The following SERPINB5 variants were observed in gnomAD, a reference collection of about 807,000 sequenced individuals.
SERPINB5 encodes the protein serpin family B member 5, also known as serpin B5.
In SERPINB5, 27 loss-of-function variants were observed where a neutral mutation model predicts 32.2. The observed-to-expected ratio is 0.84, with a 90% confidence interval of 0.62 to 1.16. The LOEUF is 1.16. Among genes scored for constraint, SERPINB5 ranks in the 50% most tolerant of loss-of-function variants. The probability of loss-of-function intolerance (pLI) is 0.00; values close to 1 mark genes in which losing one functional copy is unlikely to be tolerated. For missense variants in SERPINB5, 388 were observed against 436.3 expected, an observed-to-expected ratio of 0.89 and a Z score of 0.99; for synonymous variants, 154 against 157.4, an observed-to-expected ratio of 0.98 and a Z score of 0.16.
intron 1 of SERPINB5, among the ~76,000 whole-genome samples, chr18:63,478,339 A>T (rs1917069822): frequency 6.6e-6 from 1 of 152,138 alleles, no homozygotes; most frequent in South Asian, 2.1e-4. Context: ...TTCTAAAGAG[A>T]CAGGAGCAGC....
At chr18:63,492,135 T>C (rs1056032706) in intron 4 of SERPINB5, among the ~76,000 whole-genome samples, 2 of 152,216 alleles carry the variant, frequency 1.3e-5, no homozygotes, top group African/African-American at 4.8e-5. Flanking sequence ...CTGTGGGCTA[T>C]TCAAATGTGA....
In SERPINB5 at chr18:63,498,411, G is replaced by T. The variant is rs540907868; in HGVS notation, c.568-709G>T. 6.6e-6 allele frequency among the ~76,000 whole-genome samples: 1 copy of T among 152,138 alleles called. No homozygotes were observed. Among genetic ancestry groups the T allele is most frequent in the African/African-American group, 2.4e-5 (1 of 41,424 alleles). On this transcript the variant is annotated intron_variant, in intron 5 of 6. Coordinates refer to ENST00000382771, the MANE Select transcript of SERPINB5 (RefSeq NM_002639.5). This position sits in a 1 kb window ranked among gnomAD's most constrained non-coding sequence, Gnocchi z 4.2. ...ATTAGGCATTTTATTAGGAAAAGCC[G>T]TATAAATGGTTATGTGGGTTTGCAG...
chr18:63,486,769 C>T, intron 2 of SERPINB5, 177 bp from the exon 3 acceptor site: 1 of 586,214 alleles, frequency 1.7e-6, no homozygotes. Flanking sequence ...AGGACAGCCC[C>T]ACAAAGACTC....
At chr18:63,501,351 T>C (rs1337898207) in intron 6 of SERPINB5, among the ~76,000 whole-genome samples, 1 of 152,120 alleles carries the variant, frequency 6.6e-6, no homozygotes, top group Admixed American at 6.6e-5. Flanking sequence ...GCTTCATCCG[T>C]GTCCCTACAA....
At position 63,484,442 on chromosome 18, in the gene SERPINB5, A is replaced by G. The variant is rs1025413198; in HGVS notation, c.14A>G (p.Gln5Arg). Reference sequence around the variant, plus strand: ...TCCAGGCCCGCAATGGATGCCCTGCAACTAGCAAATTCGGCTTTTGCCGTT... The same window carrying G: ...TCCAGGCCCGCAATGGATGCCCTGCGACTAGCAAATTCGGCTTTTGCCGTT... The part of the protein sequence containing the change: MDAL[Q>R]LANSAFAVDL... Residue 5 changes from glutamine (Q) to arginine (R), a missense_variant, in exon 2 of 7, where the codon CAA becomes CGA. Gln to Arg is a conservative substitution (Grantham distance 43). Coordinates refer to ENST00000382771, the MANE Select transcript of SERPINB5 (RefSeq NM_002639.5). 3 of 1,612,850 alleles carry G rather than the reference A, an allele frequency of 1.9e-6. No homozygotes were observed. The highest frequency in any genetic ancestry group is 2.2e-5 in the South Asian group (2 of 90,790).
intron 1 of SERPINB5, among the ~76,000 whole-genome samples, chr18:63,482,360 C>T (rs1290156700): frequency 2.0e-5 from 3 of 152,306 alleles, no homozygotes; most frequent in African/African-American, 7.2e-5. Flanking sequence ...TTTCTAATGC[C>T]AGGGTGCATG....
intron 6 of SERPINB5, 53 bp downstream of exon 6, chr18:63,499,340 G>T: frequency 7.1e-7 from 1 of 1,408,896 alleles, no homozygotes; most frequent in Non-Finnish European, 9.4e-7. Flanking sequence ...TTGGCAAAGA[G>T]TTGTGCCAAC....
chr18:63,499,195 A>G lies in SERPINB5; in HGVS notation c.643A>G (p.Lys215Glu), dbSNP rs774146002. Residue 215 changes from lysine (K) to glutamate (E), a missense_variant, in exon 6 of 7, where the codon AAG (lysine) becomes GAG (glutamate). By Grantham distance (56) the Lys-to-Glu change is moderately conservative (BLOSUM62 1). Coordinates refer to ENST00000382771, the MANE Select transcript of SERPINB5 (RefSeq NM_002639.5). ...GGGAAACATTGACAGTATCAATTGT[A>G]AGATCATAGAGCTTCCTTTTCAAAA... ...CMGNIDSINC[K>E]IIELPFQNKH... is the part of the protein sequence containing the mutation. 1 of 1,602,466 alleles carries G rather than the reference A, an allele frequency of 6.2e-7. No individual in the cohort carries two copies. Among genetic ancestry groups the G allele is most frequent in the Non-Finnish European group, 8.5e-7 (1 of 1,174,152 alleles).
intron 1 of SERPINB5, among the ~76,000 whole-genome samples, chr18:63,479,709 G>T (rs964314356): frequency 2.0e-5 from 3 of 152,010 alleles, no homozygotes; most frequent in African/African-American, 7.3e-5. Context: ...GGGCTATGTC[G>T]TTTTCACCTT....
At chr18:63,501,762 T>A (rs1385257982) in intron 6 of SERPINB5, among the ~76,000 whole-genome samples, 2 of 152,204 alleles carry the variant, frequency 1.3e-5, no homozygotes, top group Non-Finnish European at 2.9e-5. Context: ...GGTATCTCAT[T>A]GTGGTTTTGA....
chr18:63,498,521 T>G lies in SERPINB5; in HGVS notation c.568-599T>G, dbSNP rs1909497471. On this transcript the variant is annotated intron_variant, in intron 5 of 6. Transcript: ENST00000382771. The surrounding 1 kb of genome is among the most constrained non-coding windows in gnomAD (Gnocchi z 4.2). The stretch of plus-strand genomic sequence containing the variant: ...TAAAGAATAACAAACGTTGCCTATA[T>G]TTACAGCCATACAGTCTTATTTTTA... Among the ~76,000 whole-genome samples, 1 of 152,192 alleles carries G rather than the reference T, an allele frequency of 6.6e-6. No individual in the cohort carries two copies. Among genetic ancestry groups the G allele is most frequent in the African/African-American group, 2.4e-5 (1 of 41,442 alleles).
At position 63,504,053 on chromosome 18, in the gene SERPINB5, G is replaced by T; in HGVS notation, c.*331G>T. The stretch of plus-strand genomic sequence containing the variant: ...TCTTCCACAAAGAAAATTCCTATAA[G>T]GAAGATTTGGAAGCTCTTCTTCCCA... On this transcript the variant is annotated 3_prime_UTR_variant, in exon 7 of 7. Transcript: ENST00000382771. 1 of 264,694 alleles carries T rather than the reference G, an allele frequency of 3.8e-6. No individual in the cohort carries two copies. Among genetic ancestry groups the T allele is most frequent in the South Asian group, 5.1e-5 (1 of 19,606 alleles). The allele number at this position is 264,694 out of a possible 1,614,324, so 16.4% of individuals were successfully genotyped here.
At chr18:63,491,006 A>T (rs972562734) in intron 4 of SERPINB5, among the ~76,000 whole-genome samples, 1 of 152,172 alleles carries the variant, frequency 6.6e-6, no homozygotes, top group African/African-American at 2.4e-5. Context: ...CACAAAGTCC[A>T]TTATGTCATT....
chr18:63,479,823 A>G (rs1313795594), intron 1 of SERPINB5, among the ~76,000 whole-genome samples: 1 of 152,224 alleles, frequency 6.6e-6, no homozygotes, highest in Non-Finnish European at 1.5e-5. Context: ...GAAAGGGAAC[A>G]AGGGCTTCTT....
rs748198374 is a variant in SERPINB5 at position 63,487,001 on chromosome 18, C to T, written c.224C>T (p.Ser75Leu). 8.7e-6 allele frequency: 14 copies of T among 1,613,924 alleles called. No homozygotes were observed. In the East Asian group the frequency reaches 2.0e-4, roughly 23 times the overall value. ...CCCTTTGGATTTCAAACAGTAACATCGGATGTAAACAAACTTAGTTCCTTT... is the reference window on the plus strand; with the variant it reads ...CCCTTTGGATTTCAAACAGTAACATTGGATGTAAACAAACTTAGTTCCTTT... ...DVPFGFQTVT[S>L]DVNKLSSFYS... is the part of the protein sequence containing the mutation. The change falls in exon 3 of 7, where the codon TCG becomes TTG. Residue 75 changes from serine to leucine, a missense_variant. By Grantham distance (145) the Ser-to-Leu change is moderately radical. Transcript: ENST00000382771.
intron 5 of SERPINB5, chr18:63,496,994 G>T (rs1909460704): frequency 3.9e-6 from 2 of 511,770 alleles, no homozygotes; most frequent in Admixed American, 4.1e-5. Flanking sequence ...AGAAAATGCA[G>T]CCCACCGGGG....
At chr18:63,484,741 C>CTTTT (rs869236018) in intron 2 of SERPINB5, 145 bp downstream of exon 2, 10,034 of 107,126 alleles carry the variant, frequency 0.094, 1,797 homozygotes, top group African/African-American at 0.29. Context: ...CTCTCTTAAT[C>CTTTT]TTTTTTTTTT....
intron 1 of SERPINB5, among the ~76,000 whole-genome samples, chr18:63,478,758 G>GTTTTTTTTTTTTT (rs10669993): frequency 7.4e-6 from 1 of 135,382 alleles, no homozygotes; most frequent in Non-Finnish European, 1.5e-5. Flanking sequence ...TAAAAACGTA[G>GTTTTTTTTTTTTT]TTTTTTTTTT....
Position 63,504,673 on chromosome 18 carries a change from A to G in SERPINB5, c.*951A>G, listed in dbSNP as rs1909642217. On this transcript the variant is annotated 3_prime_UTR_variant, in exon 7 of 7. Transcript: ENST00000382771. ...TGGCAGGGGCTTCTAGCTGACTTGC[A>G]CAGGGATTCTCACAATAGCCGATAT... The G allele has an allele frequency of 6.6e-6, 1 of 152,238 alleles. No homozygotes were observed. Among genetic ancestry groups the G allele is most frequent in the Non-Finnish European group, 1.5e-5 (1 of 68,044 alleles). The allele number at this position is 152,238 out of a possible 1,614,324, so 9.4% of individuals were successfully genotyped here.
Sources: allele counts gnomAD v4.1 joint callset (sites outside exome capture counted in the v4.1 genomes callset), GRCh38; gene constraint gnomAD v4.1.1; non-coding constraint Gnocchi (gnomAD v3.1); transcripts MANE v1.5; gene names NCBI Gene and HGNC (gene_info 2026-07-23, HGNC 2026-07-21).